STAP1: variants seen among roughly 807,000 people sequenced by gnomAD.
STAP1 encodes signal transducing adaptor family member 1, also known as signal-transducing adaptor protein 1.
A neutral mutation model predicts 37.8 loss-of-function variants in STAP1; 30 were observed. The observed-to-expected ratio is 0.79, with a 90% CI of 0.59 to 1.08. STAP1 has a LOEUF of 1.08. Ranked by LOEUF, STAP1 falls within the 50% of genes least tolerant of loss-of-function variation. STAP1 has a pLI of 0.00. For synonymous variants in STAP1, 130 were observed against 116.0 expected (o/e 1.12, Z -0.78); for missense variants, 357 against 349.4 (o/e 1.02, Z -0.17).
chr4:67,604,225 G>A (rs777280690), intron 8 of STAP1, among the ~76,000 whole-genome samples: 11 of 152,206 alleles, frequency 7.2e-5, no homozygotes, highest in Non-Finnish European at 1.0e-4. Context: ...CTCTCTGCAC[G>A]AGCAGCCACT....
intron 1 of STAP1, among the ~76,000 whole-genome samples, chr4:67,564,217 G>T (rs1194786059): frequency 3.3e-5 from 5 of 152,126 alleles, no homozygotes; most frequent in Non-Finnish European, 7.4e-5. Context: ...AATGCTATTT[G>T]TAACCTTACT....
chr4:67,576,047 G>A (rs1371989778), intron 3 of STAP1, among the ~76,000 whole-genome samples: 2 of 152,062 alleles, frequency 1.3e-5, no homozygotes, highest in Non-Finnish European at 2.9e-5. Flanking sequence ...CAGATACTTG[G>A]GTCTGAATTT....
intron 4 of STAP1, among the ~76,000 whole-genome samples, chr4:67,578,790 A>G (rs1016004568): frequency 2.0e-5 from 3 of 151,956 alleles, no homozygotes; most frequent in Non-Finnish European, 4.4e-5. Flanking sequence ...TAAAATACAC[A>G]CATAAATAAG....
intron 4 of STAP1, among the ~76,000 whole-genome samples, chr4:67,578,552 T>C (rs1157078992): frequency 6.6e-6 from 1 of 151,188 alleles, no homozygotes; most frequent in South Asian, 2.1e-4. Context: ...TCCTGGGGAA[T>C]TGCACTCTTT....
chr4:67,589,681 C>T (rs1728079542), intron 6 of STAP1, among the ~76,000 whole-genome samples: 2 of 152,080 alleles, frequency 1.3e-5, no homozygotes, highest in Admixed American at 6.5e-5. Context: ...ACATGCTTGC[C>T]GTACAAATCA....
intron 2 of STAP1, among the ~76,000 whole-genome samples, chr4:67,571,980 T>C (rs978262342): frequency 1.2e-4 from 18 of 152,248 alleles, no homozygotes; most frequent in African/African-American, 3.9e-4. Flanking sequence ...TCAGTAAATG[T>C]AAAAGAGCTT....
At chr4:67,602,161 T>C (rs982629623) in intron 8 of STAP1, among the ~76,000 whole-genome samples, 1 of 152,056 alleles carries the variant, frequency 6.6e-6, no homozygotes, top group African/African-American at 2.4e-5. Context: ...AGAATGTCAA[T>C]TTTTCAGGTC....
intron 1 of STAP1, among the ~76,000 whole-genome samples, chr4:67,563,573 A>G (rs1205923602): frequency 6.6e-6 from 1 of 152,148 alleles, no homozygotes; most frequent in African/African-American, 2.4e-5. Flanking sequence ...GCGTGGTGGC[A>G]CACCCTGTAT....
Position 67,590,939 on chromosome 4 carries a change from G to T in STAP1, c.715G>T (p.Glu239Ter). ...GAGCGTAGGACAAAACTACACTATT[G>T]AACTGGAAAAACCTGTAAGTAACTA... ...VMSVGQNYTI[E>*]LEKPVTLPNL... is the part of the protein sequence containing the mutation. Residue 239 changes from glutamate (E) to a stop codon, truncating the protein, a stop_gained, in exon 7 of 9, where the codon GAA becomes TAA. Transcript: ENST00000265404. LOFTEE classifies it high-confidence loss of function. 1 of 1,611,094 alleles carries T rather than the reference G, an allele frequency of 6.2e-7. No individual in the cohort carries two copies. Among genetic ancestry groups the T allele is most frequent in the Non-Finnish European group, 8.5e-7 (1 of 1,178,636 alleles).
rs1438771862 is a variant in STAP1 at position 67,606,531 on chromosome 4, T to C, written c.*174T>C. The C allele has an allele frequency of 1.7e-6, 1 of 580,316 alleles. No individual in the cohort carries two copies. Among genetic ancestry groups the C allele is most frequent in the Non-Finnish European group, 2.9e-6 (1 of 345,024 alleles). The allele number at this position is 580,316 out of a possible 1,614,324, so 35.9% of individuals were successfully genotyped here. On this transcript the variant is annotated 3_prime_UTR_variant, in exon 9 of 9. Transcript: ENST00000265404. ...ATACAATTTCATTATCTTATCAGAA[T>C]GAAACCAATTCACAGGGAAACTAGA...
chr4:67,585,479 T>G (rs957479517), intron 6 of STAP1, among the ~76,000 whole-genome samples: 1 of 152,226 alleles, frequency 6.6e-6, no homozygotes, highest in Non-Finnish European at 1.5e-5. Flanking sequence ...TCATGGGCAC[T>G]GAACAGATGG....
intron 1 of STAP1, among the ~76,000 whole-genome samples, chr4:67,561,967 G>A (rs1381788830): frequency 1.3e-5 from 2 of 151,466 alleles, no homozygotes; most frequent in African/African-American, 4.8e-5. Context: ...AGCTACTCGG[G>A]AGGCTGAGGC....
At chr4:67,579,176 C>G (rs757846075) in intron 4 of STAP1, among the ~76,000 whole-genome samples, 2 of 152,108 alleles carry the variant, frequency 1.3e-5, no homozygotes, top group African/African-American at 4.8e-5. Flanking sequence ...TAAGAGAAGA[C>G]AAGTTGCCTC....
At chr4:67,559,642 AAATT>A (rs1363971037) in intron 1 of STAP1, among the ~76,000 whole-genome samples, 2 of 152,076 alleles carry the variant, frequency 1.3e-5, no homozygotes, top group Non-Finnish European at 2.9e-5. Flanking sequence ...GGATGACTTG[AAATT>A]AATTAGAGAA....
intron 8 of STAP1, among the ~76,000 whole-genome samples, chr4:67,598,529 A>G (rs569246611): frequency 1.3e-5 from 2 of 152,318 alleles, no homozygotes; most frequent in East Asian, 3.9e-4. Context: ...TCTGATGATC[A>G]GTGATGTTGA....
intron 3 of STAP1, among the ~76,000 whole-genome samples, chr4:67,576,684 A>AT: frequency 6.6e-6 from 1 of 152,176 alleles, no homozygotes; most frequent in Admixed American, 6.5e-5. Context: ...TTGTAGAGAC[A>AT]TGGTTTCACC....
Position 67,590,940 on chromosome 4 carries a change from A to G in STAP1, c.716A>G (p.Glu239Gly). The G allele has an allele frequency of 2.5e-6, 4 of 1,611,452 alleles. No individual in the cohort carries two copies. Among genetic ancestry groups the G allele is most frequent in the Non-Finnish European group, 3.4e-6 (4 of 1,178,698 alleles). ...AGCGTAGGACAAAACTACACTATTG[A>G]ACTGGAAAAACCTGTAAGTAACTAT... ...VMSVGQNYTIELEKPVTLPNL... is the reference protein window; with the variant it reads ...VMSVGQNYTIGLEKPVTLPNL... The change falls in exon 7 of 9, where the codon GAA becomes GGA. Residue 239 changes from glutamate (E) to glycine (G), a missense_variant. Transcript: ENST00000265404.
At chr4:67,589,736 A>T (rs1206452282) in intron 6 of STAP1, among the ~76,000 whole-genome samples, 2 of 152,208 alleles carry the variant, frequency 1.3e-5, no homozygotes, top group Non-Finnish European at 2.9e-5. Context: ...CTAACTGACA[A>T]GGATAGTGAC....
intron 7 of STAP1, 21 bp downstream of exon 7, chr4:67,590,974 T>A: frequency 6.3e-7 from 1 of 1,596,104 alleles, no homozygotes; most frequent in South Asian, 1.1e-5. Context: ...ATTTTTGTTG[T>A]TGTTGATGAA....
Sources: allele counts gnomAD v4.1 joint callset (sites outside exome capture counted in the v4.1 genomes callset), GRCh38; gene constraint gnomAD v4.1.1; transcripts MANE v1.5; gene names NCBI Gene and HGNC (gene_info 2026-07-23, HGNC 2026-07-21).